CARM1: variants seen among roughly 807,000 people sequenced by gnomAD.
The protein encoded by CARM1 is coactivator associated arginine methyltransferase 1.
Under a neutral mutation model 72.7 loss-of-function variants are expected in CARM1, and 14 were observed. That is an observed-to-expected ratio of 0.19 (90% CI 0.13 to 0.30). The LOEUF (loss-of-function observed/expected upper bound fraction) is 0.30. Ranked by LOEUF, CARM1 falls within the 10% of genes least tolerant of loss-of-function variation. CARM1 has a pLI of 1.00. For synonymous variants in CARM1, 333 were observed against 345.5 expected, an observed-to-expected ratio of 0.96 and a Z score of 0.40; for missense variants, 432 against 833.7, an observed-to-expected ratio of 0.52 and a Z score of 5.93.
chr19:10,913,014 C>T (rs1160840614), intron 5 of CARM1, among the ~76,000 whole-genome samples: 1 of 152,126 alleles, frequency 6.6e-6, no homozygotes, highest in African/African-American at 2.4e-5. Flanking sequence ...TGCTCGTCCC[C>T]CTCTTTGCAG....
At chr19:10,884,550 G>T (rs762593080) in intron 1 of CARM1, among the ~76,000 whole-genome samples, 5 of 151,216 alleles carry the variant, frequency 3.3e-5, no homozygotes, top group Non-Finnish European at 7.4e-5. Context: ...GTCCCCAGTT[G>T]CCCCCCCTCC....
chr19:10,920,904 A>T lies in CARM1; in HGVS notation c.1495A>T (p.Thr499Ser), dbSNP rs2074238834. 1 of 1,614,214 alleles carries T rather than the reference A, an allele frequency of 6.2e-7. No homozygotes were observed. The highest frequency in any genetic ancestry group is 2.2e-5 in the East Asian group (1 of 44,890). ...YTSPSENMWN[T>S]GSTYNLSSGM... is the part of the protein sequence containing the mutation. ...ATCTCCCTCGGAAAACATGTGGAAC[A>T]CGGGCAGCACCTACAACCTCAGCAG... Residue 499 changes from threonine to serine, a missense_variant, in exon 13 of 16, where the codon ACG becomes TCG. By Grantham distance (58) the Thr-to-Ser change is moderately conservative. This residue lies in a region of CARM1 where 142 missense variants were observed against 188.7 expected (regional missense o/e 0.75). Coordinates refer to ENST00000327064, the MANE Select transcript of CARM1 (RefSeq NM_199141.2). The surrounding 1 kb of genome is among the most constrained non-coding windows in gnomAD (Gnocchi z 5.3).
chr19:10,920,538 G>T lies in CARM1; in HGVS notation c.1299G>T (p.Thr433=). 6.2e-7 allele frequency: 1 copy of T among 1,613,972 alleles called. No homozygotes were observed. The highest frequency in any genetic ancestry group is 8.5e-7 in the Non-Finnish European group (1 of 1,179,920). ...QSPLFAKAGD[T]LSGTCLLIAN... Reference sequence around the variant, plus strand: ...CACTGTTCGCCAAGGCAGGGGACACGCTCTCAGGGACATGTCTGCTTATTG... The same window carrying T: ...CACTGTTCGCCAAGGCAGGGGACACTCTCTCAGGGACATGTCTGCTTATTG... The change falls in exon 11 of 16, where the codon ACG becomes ACT. Residue 433 remains threonine (T), a synonymous_variant. Transcript: ENST00000327064. The surrounding 1 kb of genome is among the most constrained non-coding windows in gnomAD (Gnocchi z 5.3).
chr19:10,882,718 T>G (rs2073911339), intron 1 of CARM1, among the ~76,000 whole-genome samples: 1 of 151,936 alleles, frequency 6.6e-6, no homozygotes, highest in African/African-American at 2.4e-5. Context: ...ATTTTTGTGT[T>G]TTTAGTAGAG....
chr19:10,878,132 G>C (rs1057111800), intron 1 of CARM1, among the ~76,000 whole-genome samples: 1 of 152,116 alleles, frequency 6.6e-6, no homozygotes, highest in South Asian at 2.1e-4. Flanking sequence ...GTCACGAACC[G>C]CTGGGCCCGG....
intron 1 of CARM1, among the ~76,000 whole-genome samples, chr19:10,872,767 T>C (rs1272344304): frequency 2.0e-5 from 3 of 152,018 alleles, no homozygotes; most frequent in East Asian, 1.9e-4. Flanking sequence ...TTCTTCTTGT[T>C]ACTCCTTCTT....
intron 1 of CARM1, among the ~76,000 whole-genome samples, chr19:10,877,680 C>G (rs1295781501): frequency 1.3e-5 from 2 of 152,022 alleles, no homozygotes; most frequent in African/African-American, 4.8e-5. Context: ...CCTCAGCCTC[C>G]CAAAATGCTG....
rs2074202286 is a variant in CARM1 at position 10,916,960 on chromosome 19, A to C, written c.1020+183A>C. Among the ~76,000 whole-genome samples, 1 of 152,190 alleles carries C rather than the reference A, an allele frequency of 6.6e-6. No homozygotes were observed. The highest frequency in any genetic ancestry group is 1.5e-5 in the Non-Finnish European group (1 of 68,040). On this transcript the variant is annotated intron_variant, in intron 8 of 15. Transcript: ENST00000327064. This position sits in a 1 kb window ranked among gnomAD's most constrained non-coding sequence, Gnocchi z 4.4. ...ACTTAGCACACAGCACACATGCAAT[A>C]CATGTGGAACATTATTAGGTGAGGC...
At position 10,920,793 on chromosome 19, in the gene CARM1, C is replaced by T; in HGVS notation, c.1425-41C>T. The T allele has an allele frequency of 1.2e-6, 2 of 1,613,458 alleles. No homozygotes were observed. Among genetic ancestry groups the T allele is most frequent in the Non-Finnish European group, 1.7e-6 (2 of 1,179,362 alleles). Reference sequence around the variant, plus strand: ...TGCACAGGGGGGCGCCCCGGCCCTGCAACCCCCTTGCCCCTGCCCATGGCT... The same window carrying T: ...TGCACAGGGGGGCGCCCCGGCCCTGTAACCCCCTTGCCCCTGCCCATGGCT... On this transcript the variant is annotated intron_variant, in intron 12 of 15. Transcript: ENST00000327064. This position sits in a 1 kb window ranked among gnomAD's most constrained non-coding sequence, Gnocchi z 5.3.
intron 1 of CARM1, among the ~76,000 whole-genome samples, chr19:10,886,862 C>T (rs1447199420): frequency 1.3e-5 from 2 of 152,060 alleles, no homozygotes; most frequent in African/African-American, 4.8e-5. Context: ...AATATTTTGC[C>T]CACGCTGGTC....
At position 10,871,744 on chromosome 19, in the gene CARM1, C is replaced by T. The variant is rs1413303994; in HGVS notation, c.42C>T (p.Gly14=). 8 of 1,053,204 alleles carry T rather than the reference C, an allele frequency of 7.6e-6. No individual in the cohort carries two copies. In the African/African-American group the frequency reaches 1.2e-4, roughly 16 times the overall value. 65.2% of individuals were successfully genotyped at this position (1,053,204 alleles called of 1,614,324 possible). A position where few individuals can be genotyped will look rare whatever the true frequency, so the allele number is the denominator to read the frequency against. ...AAAAVGPGAG[G]AGSAVPGGAG... is the part of the protein sequence containing the mutation. ...CGGCGGTGGGGCCGGGCGCGGGCGG[C>T]GCGGGGTCGGCGGTCCCGGGCGGCG... is the stretch of plus-strand genomic sequence containing the variant. The change falls in exon 1 of 16, where the codon GGC becomes GGT. Residue 14 remains glycine (G), a synonymous_variant. Coordinates refer to ENST00000327064, the MANE Select transcript of CARM1 (RefSeq NM_199141.2). This position sits in a 1 kb window ranked among gnomAD's most constrained non-coding sequence, Gnocchi z 5.6.
Position 10,914,050 on chromosome 19 carries a change from C to T in CARM1, c.843C>T (p.Pro281=), listed in dbSNP as rs2074175472. ...SYLHAKKYLK[P]SGNMFPTIGD... ...TCCACGCCAAGAAGTACCTGAAGCC[C>T]AGCGGTGAGCACTGGGGGGTACACA... The change falls in exon 6 of 16, where the codon CCC becomes CCT. Residue 281 remains proline, a synonymous_variant. Coordinates refer to ENST00000327064, the MANE Select transcript of CARM1 (RefSeq NM_199141.2). 3 of 1,611,198 alleles carry T rather than the reference C, an allele frequency of 1.9e-6. No homozygotes were observed. Among genetic ancestry groups the T allele is most frequent in the Non-Finnish European group, 2.5e-6 (3 of 1,179,094 alleles).
At chr19:10,889,870 G>A (rs543538881) in intron 1 of CARM1, among the ~76,000 whole-genome samples, 1 of 152,236 alleles carries the variant, frequency 6.6e-6, no homozygotes, top group African/African-American at 2.4e-5. Context: ...CTTGCCCATG[G>A]AATGAAGCCC....
intron 1 of CARM1, among the ~76,000 whole-genome samples, chr19:10,890,260 GTTTTGTTTGT>G (rs762281922): frequency 1.8e-5 from 2 of 110,534 alleles, no homozygotes; most frequent in African/African-American, 3.0e-5. Context: ...TTTGTTTTTT[GTTTTGTTTGT>G]TTTTTTTTTT....
rs149277915 is a variant in CARM1, at chr19:10,875,016, C to G, written c.220+3094C>G. On this transcript the variant is annotated intron_variant, in intron 1 of 15. Transcript: ENST00000327064. Reference sequence around the variant, plus strand: ...GTCAGCCTGGGTGACAGAGCAAGACCCTGTCTGAAAAAAAAAAAAAAAGCA... The same window carrying G: ...GTCAGCCTGGGTGACAGAGCAAGACGCTGTCTGAAAAAAAAAAAAAAAGCA... Among the ~76,000 whole-genome samples the G allele has an allele frequency of 6.7e-3, 1,002 of 150,520 alleles. 9 individuals carry two copies. Among genetic ancestry groups the G allele is most frequent in the African/African-American group, 0.024 (964 of 40,982 alleles).
chr19:10,917,271 G>T (rs1162753060), intron 8 of CARM1, among the ~76,000 whole-genome samples: 1 of 152,062 alleles, frequency 6.6e-6, no homozygotes, highest in Non-Finnish European at 1.5e-5. Context: ...CAGATCACGA[G>T]GTTAGGAGAT....
intron 1 of CARM1, among the ~76,000 whole-genome samples, chr19:10,881,515 TCA>T (rs1484493257): frequency 6.6e-6 from 1 of 151,634 alleles, no homozygotes; most frequent in Non-Finnish European, 1.5e-5. Context: ...GGCAGCAAGG[TCA>T]GATGCCGTGA....
At chr19:10,910,789 C>T (rs1282904660) in intron 4 of CARM1, among the ~76,000 whole-genome samples, 3 of 152,006 alleles carry the variant, frequency 2.0e-5, no homozygotes, top group Non-Finnish European at 4.4e-5. Flanking sequence ...TGGTCTAGAT[C>T]TCTTGACCTC....
chr19:10,897,846 C>G (rs957572085), intron 1 of CARM1, among the ~76,000 whole-genome samples: 7 of 152,126 alleles, frequency 4.6e-5, no homozygotes, highest in African/African-American at 1.7e-4. Flanking sequence ...TGGCTCACTC[C>G]TGTAATCCCA....
Sources: gnomAD v4.1 joint callset for allele counts (sites outside exome capture counted in the v4.1 genomes callset) on GRCh38, gnomAD v4.1.1 for gene constraint, gnomAD v4.1.1 regional missense constraint, Gnocchi (gnomAD v3.1) non-coding constraint, MANE v1.5 for transcripts, NCBI Gene and HGNC (gene_info 2026-07-23, HGNC 2026-07-21) for gene names.